ASB7: variants seen among roughly 807,000 people sequenced by gnomAD.
ASB7 encodes ankyrin repeat and SOCS box containing 7.
In ASB7, 4 loss-of-function variants were observed where a neutral mutation model predicts 32.5. That is an observed-to-expected ratio of 0.12 (90% CI 0.06 to 0.28). The LOEUF is 0.28. ASB7 is among the 10% of genes least tolerant of loss of function. The probability of loss-of-function intolerance (pLI) is 1.00; values close to 1 mark genes in which losing one functional copy is unlikely to be tolerated. For missense variants in ASB7, 181 were observed against 407.1 expected (o/e 0.44, Z 4.78); for synonymous variants, 172 against 155.6 (o/e 1.11, Z -0.78).
chr15:100,615,657 A>C (rs2039737162), intron 4 of ASB7, among the ~76,000 whole-genome samples: 2 of 152,358 alleles, frequency 1.3e-5, no homozygotes, highest in South Asian at 4.1e-4. Context: ...CTTCTTCTAG[A>C]GGCCATCTCT....
intron 5 of ASB7, among the ~76,000 whole-genome samples, chr15:100,634,573 G>A (rs373983185): frequency 3.3e-4 from 50 of 152,310 alleles, no homozygotes; most frequent in African/African-American, 1.2e-3. Context: ...GGAGGCCAAA[G>A]CAGGTGGATC....
chr15:100,603,578 AT>A, intron 2 of ASB7, among the ~76,000 whole-genome samples: 1 of 152,212 alleles, frequency 6.6e-6, no homozygotes, highest in African/African-American at 2.4e-5. Flanking sequence ...ACACTGTGCC[AT>A]TTACTCTGCT....
At chr15:100,636,575 T>C (rs2039924766) in intron 5 of ASB7, among the ~76,000 whole-genome samples, 1 of 152,068 alleles carries the variant, frequency 6.6e-6, no homozygotes, top group Non-Finnish European at 1.5e-5. Flanking sequence ...ACTTGCCTTA[T>C]AAACTTTGAC....
intron 5 of ASB7, among the ~76,000 whole-genome samples, chr15:100,643,566 T>C (rs1039742858): frequency 1.4e-5 from 2 of 144,310 alleles, no homozygotes; most frequent in African/African-American, 5.1e-5. Flanking sequence ...CTTGGCTCAC[T>C]GCAACCTCTG....
At position 100,649,357 on chromosome 15, in the gene ASB7, C is replaced by G. The variant is rs546413230; in HGVS notation, c.*895C>G. 2.0e-5 allele frequency: 3 copies of G among 152,256 alleles called. 1 individual carries two copies. The highest frequency in any genetic ancestry group is 7.2e-5 in the African/African-American group (3 of 41,532). 9.4% of individuals were successfully genotyped at this position (152,256 alleles called of 1,614,324 possible). ...GCTTCAGTTGTCACTGCAGAGCCATCGTATGTCAGTTGCAATTTCCATCTG... is the reference window on the plus strand; with the variant it reads ...GCTTCAGTTGTCACTGCAGAGCCATGGTATGTCAGTTGCAATTTCCATCTG... On this transcript the variant is annotated 3_prime_UTR_variant, in exon 6 of 6. Coordinates refer to ENST00000332783, the MANE Select transcript of ASB7 (RefSeq NM_198243.3).
In ASB7 at chr15:100,603,227, T is replaced by C; in HGVS notation, c.-260T>C. On this transcript the variant is annotated 5_prime_UTR_variant, in exon 2 of 6. Coordinates refer to ENST00000332783, the MANE Select transcript of ASB7 (RefSeq NM_198243.3). ...TCTGTTTTTCTAGGTTTGAGCTGGC[T>C]GAAGAAGACGCGAAAGCAGGAAGAG... is the stretch of plus-strand genomic sequence containing the variant. 2.6e-6 allele frequency: 1 copy of C among 379,550 alleles called. No homozygotes were observed. Among genetic ancestry groups the C allele is most frequent in the Non-Finnish European group, 4.7e-6 (1 of 214,934 alleles). The allele number at this position is 379,550 out of a possible 1,614,324, so 23.5% of individuals were successfully genotyped here.
intron 4 of ASB7, among the ~76,000 whole-genome samples, chr15:100,620,295 ATTG>A (rs1440508136): frequency 2.0e-5 from 3 of 152,124 alleles, no homozygotes; most frequent in African/African-American, 7.2e-5. Flanking sequence ...TTAAAAATGT[ATTG>A]TTGTATTATT....
At chr15:100,627,301 T>G (rs1459845763) in intron 4 of ASB7, among the ~76,000 whole-genome samples, 1 of 152,176 alleles carries the variant, frequency 6.6e-6, no homozygotes, top group East Asian at 1.9e-4. Context: ...TAGGGAAGGC[T>G]TTTCTTTTTT....
intron 5 of ASB7, among the ~76,000 whole-genome samples, chr15:100,630,530 G>C (rs911567337): frequency 1.3e-5 from 2 of 152,202 alleles, no homozygotes; most frequent in African/African-American, 4.8e-5. Flanking sequence ...ACATGAAATG[G>C]AGCAGTGGTG....
intron 2 of ASB7, among the ~76,000 whole-genome samples, chr15:100,603,602 G>A (rs1201920429): frequency 6.6e-6 from 1 of 152,040 alleles, no homozygotes; most frequent in Non-Finnish European, 1.5e-5. Flanking sequence ...GAGGCTTTGA[G>A]ACCTTTTTGT....
chr15:100,631,253 G>A (rs1443159458), intron 5 of ASB7, among the ~76,000 whole-genome samples: 1 of 152,184 alleles, frequency 6.6e-6, no homozygotes, highest in Non-Finnish European at 1.5e-5. Context: ...CTGGTCCCAT[G>A]TGGCTGCTGA....
chr15:100,610,809 A>T (rs2039689702), intron 3 of ASB7, among the ~76,000 whole-genome samples: 2 of 152,232 alleles, frequency 1.3e-5, no homozygotes, highest in South Asian at 4.1e-4. Context: ...AAAGGGCTTC[A>T]TCACAGTTTA....
intron 2 of ASB7, among the ~76,000 whole-genome samples, chr15:100,606,756 T>C (rs61288536): frequency 0.016 from 2,409 of 152,256 alleles, 68 homozygotes; most frequent in African/African-American, 0.055. Flanking sequence ...GCTTTTTTTT[T>C]CCTTGTGACT....
intron 2 of ASB7, among the ~76,000 whole-genome samples, chr15:100,605,022 G>A (rs1338983565): frequency 6.6e-6 from 1 of 152,182 alleles, no homozygotes; most frequent in Non-Finnish European, 1.5e-5. Flanking sequence ...GATGGTAAAG[G>A]GAAGGAGTCT....
At chr15:100,632,362 A>G (rs950337924) in intron 5 of ASB7, among the ~76,000 whole-genome samples, 1 of 152,224 alleles carries the variant, frequency 6.6e-6, no homozygotes, top group East Asian at 1.9e-4. Flanking sequence ...GTGCCTCAAC[A>G]TAATTTAGTA....
At position 100,612,210 on chromosome 15, in the gene ASB7, A is replaced by G. The variant is rs576499268; in HGVS notation, c.-7A>G. ...TGAATCCTTTGTAAAAAGTGGACTC[A>G]GCTAGGATGTTACACCATCATTGTC... On this transcript the variant is annotated 5_prime_UTR_variant, in exon 4 of 6. Coordinates refer to ENST00000332783, the MANE Select transcript of ASB7 (RefSeq NM_198243.3). The G allele has an allele frequency of 1.2e-6, 2 of 1,610,000 alleles. No homozygotes were observed. The highest frequency in any genetic ancestry group is 3.3e-5 in the Admixed American group (2 of 60,020).
chr15:100,634,302 A>G (rs568787639), intron 5 of ASB7, among the ~76,000 whole-genome samples: 1 of 152,378 alleles, frequency 6.6e-6, no homozygotes, highest in East Asian at 1.9e-4. Flanking sequence ...GGAACGTTTA[A>G]TCATATACGT....
chr15:100,614,622 T>C (rs1369767745), intron 4 of ASB7, among the ~76,000 whole-genome samples: 1 of 151,288 alleles, frequency 6.6e-6, no homozygotes, highest in East Asian at 1.9e-4. Context: ...AAAAAACCAG[T>C]GAGGGGCTTA....
In ASB7 at chr15:100,603,145, GCCCCTTTCCTGAGCT is replaced by G. The variant is rs370199768; in HGVS notation, c.-272-65_-272-51del. On this transcript the variant is annotated intron_variant, in intron 1 of 5. Coordinates refer to ENST00000332783, the MANE Select transcript of ASB7 (RefSeq NM_198243.3). ...TCTTGCCTGCCCTTGCCACTCTCCAGCCCCTTTCCTGAGCTCCCCCCTCCCCACCTCTGAGACACT... is the reference window on the plus strand; with the variant it reads ...TCTTGCCTGCCCTTGCCACTCTCCAGCCCCCCTCCCCACCTCTGAGACACT... 4.9e-3 allele frequency: 1,956 copies of G among 395,982 alleles called. 26 individuals carry two copies. The highest frequency in any genetic ancestry group is 0.037 in the African/African-American group (1,800 of 48,606). The allele number at this position is 395,982 out of a possible 1,614,324, so 24.5% of individuals were successfully genotyped here.
Sources: allele counts gnomAD v4.1 joint callset (sites outside exome capture counted in the v4.1 genomes callset), GRCh38; gene constraint gnomAD v4.1.1; transcripts MANE v1.5; gene names NCBI Gene and HGNC (gene_info 2026-07-23, HGNC 2026-07-21).